Variants in ARHGEF3 observed in about 807,000 individuals in gnomAD.
The protein encoded by ARHGEF3 is 59.8 kDA protein.
A neutral mutation model predicts 63.2 loss-of-function variants in ARHGEF3; 28 were observed. The observed-to-expected ratio is 0.44, with a 90% confidence interval of 0.33 to 0.61. The LOEUF (loss-of-function observed/expected upper bound fraction) is 0.61. Ranked by LOEUF, ARHGEF3 falls within the 20% of genes least tolerant of loss-of-function variation. The pLI, the probability that ARHGEF3 is intolerant of heterozygous loss-of-function variation, is 0.03. For synonymous variants in ARHGEF3, 266 were observed against 254.2 expected (o/e 1.05, Z -0.44); for missense variants, 533 against 659.3 (o/e 0.81, Z 2.10).
Position 57,074,374 on chromosome 3 carries a change from A to G in ARHGEF3, c.-28+4852T>C, listed in dbSNP as rs1024726079. The G allele has an allele frequency of 5.2e-6, 5 of 955,250 alleles. No homozygotes were observed. The African/African-American group carries it at 8.2e-5, about 16-fold the overall frequency. The allele number at this position is 955,250 out of a possible 1,614,324, so 59.2% of individuals were successfully genotyped here. A position where few individuals can be genotyped will look rare whatever the true frequency, so the allele number is the denominator to read the frequency against. On this transcript the variant is annotated intron_variant, in intron 1 of 12. Coordinates refer to the ARHGEF3 transcript ENST00000338458. Reference sequence around the variant, plus strand: ...CCCACCCCCACCAGGGGTGACTCGTAGCCATCCCTTTCTGCATCTTCTTAG... The same window carrying G: ...CCCACCCCCACCAGGGGTGACTCGTGGCCATCCCTTTCTGCATCTTCTTAG...
intron 4 of ARHGEF3, among the ~76,000 whole-genome samples, chr3:56,865,833 T>A (rs933185706): frequency 1.8e-4 from 27 of 152,194 alleles, no homozygotes; most frequent in Non-Finnish European, 4.4e-5. Flanking sequence ...CTCACACTCC[T>A]AGCCTTCAAA....
At chr3:56,973,779 G>A (rs924906926) in intron 2 of ARHGEF3, among the ~76,000 whole-genome samples, 1 of 152,158 alleles carries the variant, frequency 6.6e-6, no homozygotes, top group Non-Finnish European at 1.5e-5. Flanking sequence ...AGAGAGCTTA[G>A]AGATACTTGT....
chr3:56,801,549 T>G (rs935073372), intron 1 of ARHGEF3, among the ~76,000 whole-genome samples, 154 bp downstream of exon 1: 1 of 151,590 alleles, frequency 6.6e-6, no homozygotes, highest in African/African-American at 2.4e-5. Flanking sequence ...CAAAGAAGAC[T>G]GTGGGAGAGA....
intron 2 of ARHGEF3, among the ~76,000 whole-genome samples, chr3:56,768,791 A>G (rs974577427): frequency 6.6e-6 from 1 of 152,240 alleles, no homozygotes; most frequent in Non-Finnish European, 1.5e-5. Flanking sequence ...AATGGTGACA[A>G]ATATGAACAT....
chr3:56,814,971 T>C (rs6445826), intron 4 of ARHGEF3, among the ~76,000 whole-genome samples: 56,837 of 151,754 alleles, frequency 0.37, 12,898 homozygotes, highest in Non-Finnish European at 0.5. Context: ...TCTACAATAA[T>C]AATAACAATT....
chr3:56,747,044 T>C (rs897537612), intron 6 of ARHGEF3, among the ~76,000 whole-genome samples: 7 of 146,026 alleles, frequency 4.8e-5, no homozygotes, highest in East Asian at 2.0e-4. Context: ...TTGGTACTTA[T>C]ACATGCGCGC....
intron 3 of ARHGEF3, among the ~76,000 whole-genome samples, chr3:56,917,854 G>C (rs1018694055): frequency 2.0e-5 from 3 of 152,230 alleles, no homozygotes; most frequent in Non-Finnish European, 4.4e-5. Flanking sequence ...CCTGCTTAGA[G>C]AAAGGAGGAA....
At chr3:56,835,908 A>T (rs186162496) in intron 4 of ARHGEF3, among the ~76,000 whole-genome samples, 271 of 152,362 alleles carry the variant, frequency 1.8e-3, no homozygotes, top group African/African-American at 6.2e-3. Flanking sequence ...CCGTGGAAAA[A>T]GGATTTCTCA....
chr3:56,968,246 TAATATATAATATTTA>T (rs1264562810), intron 2 of ARHGEF3, among the ~76,000 whole-genome samples: 1 of 41,276 alleles, frequency 2.4e-5, no homozygotes, highest in African/African-American at 7.5e-5. Context: ...ATATATATAT[TAATATATAATATTTA>T]AATATATAAT....
At chr3:56,744,787 T>C (rs1482195103) in intron 7 of ARHGEF3, among the ~76,000 whole-genome samples, 1 of 152,104 alleles carries the variant, frequency 6.6e-6, no homozygotes, top group Non-Finnish European at 1.5e-5. Context: ...AATCGGGGGC[T>C]AAATGGAGCT....
At chr3:56,918,712 T>C (rs1276690838) in intron 3 of ARHGEF3, among the ~76,000 whole-genome samples, 1 of 152,220 alleles carries the variant, frequency 6.6e-6, no homozygotes, top group Non-Finnish European at 1.5e-5. Flanking sequence ...AGTAAGAGGC[T>C]CTGATCCGCA....
At chr3:57,032,421 C>T (rs1414196251) in intron 2 of ARHGEF3, among the ~76,000 whole-genome samples, 1 of 152,240 alleles carries the variant, frequency 6.6e-6, no homozygotes, top group Non-Finnish European at 1.5e-5. Flanking sequence ...AAGCCATGCT[C>T]ATTAAACAGA....
At chr3:57,002,472 ATATATGTTATATATATATATATATGT>A (rs1476640929) in intron 2 of ARHGEF3, among the ~76,000 whole-genome samples, 183 of 15,428 alleles carry the variant, frequency 0.012, 20 homozygotes, top group South Asian at 0.041. Context: ...CTATATATAT[ATATATGTTATATATATATATATATGT>A]TATATATATA....
At chr3:56,758,442 T>A (rs112540551) in intron 2 of ARHGEF3, among the ~76,000 whole-genome samples, 234 of 151,874 alleles carry the variant, frequency 1.5e-3, no homozygotes, top group Middle Eastern at 6.8e-3. Flanking sequence ...ATTAAAAAAA[T>A]ATATATAGAT....
chr3:56,865,303 G>A (rs573872914), intron 4 of ARHGEF3, among the ~76,000 whole-genome samples: 1 of 152,180 alleles, frequency 6.6e-6, no homozygotes, highest in Non-Finnish European at 1.5e-5. Context: ...CGCACAGATT[G>A]GTTAGAAAGG....
rs552598499 is a variant in ARHGEF3 at position 57,013,165 on chromosome 3, C to G, written c.62+21923G>C. Among the ~76,000 whole-genome samples the G allele has an allele frequency of 3.0e-4, 46 of 152,360 alleles. 2 individuals are homozygous for G. Among genetic ancestry groups the G allele is most frequent in the Middle Eastern group, 6.8e-3 (2 of 294 alleles). ...GAGCCCCCCGCCCTGGCGGTGGGCT[C>G]CTGTGTCGCCAGAGCCTCCCAGACA... On this transcript the variant is annotated intron_variant, in intron 2 of 12. Transcript: ENST00000338458.
chr3:57,014,037 C>G (rs1702837124), intron 2 of ARHGEF3, among the ~76,000 whole-genome samples: 2 of 152,176 alleles, frequency 1.3e-5, no homozygotes, highest in South Asian at 2.1e-4. Context: ...CTGTAACACT[C>G]ACCGCGAAGG....
chr3:56,829,676 T>C (rs1039380), intron 4 of ARHGEF3, among the ~76,000 whole-genome samples: 2,145 of 152,324 alleles, frequency 0.014, 61 homozygotes, highest in African/African-American at 0.048. Context: ...CATATTTCTT[T>C]GCCTTTAAAT....
At chr3:56,850,301 G>A (rs56272516) in intron 4 of ARHGEF3, among the ~76,000 whole-genome samples, 1 of 152,088 alleles carries the variant, frequency 6.6e-6, no homozygotes, top group Non-Finnish European at 1.5e-5. Flanking sequence ...GGCCAAGGCA[G>A]GGGGATCACT....
Sources: gnomAD v4.1 joint callset for allele counts (sites outside exome capture counted in the v4.1 genomes callset) on GRCh38, gnomAD v4.1.1 for gene constraint, MANE v1.5 for transcripts, NCBI Gene and HGNC (gene_info 2026-07-23, HGNC 2026-07-21) for gene names.